AIRIM: variants seen among roughly 807,000 people sequenced by gnomAD.
AIRIM encodes AFG2 interacting ribosome maturation factor.
the AIRIM span, among the ~76,000 whole-genome samples, chr1:37,685,127 G>A: frequency 7.2e-6 from 1 of 139,822 alleles, no homozygotes; most frequent in East Asian, 2.1e-4. Context: ...AAAAACATAG[G>A]TCTTATCCTG....
chr1:37,681,748 T>C, the AIRIM span: 1 of 152,148 alleles, frequency 6.6e-6, no homozygotes, highest in Non-Finnish European at 1.5e-5. Flanking sequence ...ACACAAAGAT[T>C]TGGGAAAATG....
the AIRIM span, among the ~76,000 whole-genome samples, chr1:37,685,730 C>T: frequency 6.6e-3 from 1,008 of 152,264 alleles, no homozygotes; most frequent in Non-Finnish European, 9.9e-3. Flanking sequence ...GAAAGTCGAG[C>T]CCCCTGTCTT....
chr1:37,686,247 T>A, the AIRIM span: 1 of 1,588,180 alleles, frequency 6.3e-7, no homozygotes, highest in South Asian at 1.1e-5. Context: ...GCTCTGGCTG[T>A]GACCTGAAAT....
chr1:37,690,487 C>T, the AIRIM span: 2 of 1,240,670 alleles, frequency 1.6e-6, no homozygotes, highest in South Asian at 1.3e-5. Context: ...AGCGTGAGAA[C>T]CCTCCAGGGA....
At chr1:37,690,037 G>C in the AIRIM span, 22 of 1,404,100 alleles carry the variant, frequency 1.6e-5, no homozygotes, top group Admixed American at 6.5e-4. Context: ...TTTTTTTTTC[G>C]AGACGGAGTC....
the AIRIM span, chr1:37,683,499 C>G: frequency 6.4e-7 from 1 of 1,568,356 alleles, no homozygotes; most frequent in Non-Finnish European, 8.7e-7. Context: ...AAAAAAACAC[C>G]CTGGTGAGAA....
At chr1:37,690,494 G>C in the AIRIM span, 1 of 1,211,842 alleles carries the variant, frequency 8.3e-7, no homozygotes. Context: ...GAACCCTCCA[G>C]GGACTGCACC....
the AIRIM span, among the ~76,000 whole-genome samples, chr1:37,685,028 TAG>T: frequency 1.5e-4 from 23 of 152,180 alleles, no homozygotes; most frequent in East Asian, 4.4e-3. Context: ...AGAAAAATGT[TAG>T]AGCTTCAACT....
At chr1:37,690,581 G>T in the AIRIM span, 1 of 856,314 alleles carries the variant, frequency 1.2e-6, no homozygotes, top group Non-Finnish European at 1.5e-6. Context: ...CCTGGCTACT[G>T]AGTCGCGAAA....
chr1:37,683,697 AAAAG>A, the AIRIM span: 5 of 364,596 alleles, frequency 1.4e-5, no homozygotes, highest in Admixed American at 8.8e-5. Flanking sequence ...TCAGATCCTG[AAAAG>A]AAAGAACAAA....
the AIRIM span, chr1:37,682,910 T>C: frequency 1.7e-6 from 1 of 572,086 alleles, no homozygotes; most frequent in Non-Finnish European, 3.1e-6. Context: ...GGGCAAGGCA[T>C]GGCTCACATA....
At chr1:37,686,414 T>C in the AIRIM span, 2 of 1,614,086 alleles carry the variant, frequency 1.2e-6, no homozygotes, top group South Asian at 1.1e-5. Context: ...TCGCTCCACA[T>C]GGCTGCTGAC....
the AIRIM span, chr1:37,686,425 C>A: frequency 6.2e-7 from 1 of 1,613,846 alleles, no homozygotes; most frequent in African/African-American, 1.3e-5. Context: ...GGCTGCTGAC[C>A]ATGTCTCGCA....
chr1:37,684,975 C>G, the AIRIM span, among the ~76,000 whole-genome samples: 1 of 151,624 alleles, frequency 6.6e-6, no homozygotes, highest in South Asian at 2.1e-4. Context: ...CTGGTCAACA[C>G]AGCAAGACCC....
At chr1:37,686,343 A>T in the AIRIM span, 6 of 1,614,120 alleles carry the variant, frequency 3.7e-6, 1 homozygote, top group South Asian at 6.6e-5. Context: ...CTCACTGCTG[A>T]AGGCTGCAGG....
the AIRIM span, chr1:37,690,488 C>T: frequency 2.6e-5 from 32 of 1,222,908 alleles, no homozygotes; most frequent in South Asian, 4.0e-4. Flanking sequence ...GCGTGAGAAC[C>T]CTCCAGGGAC....
chr1:37,683,247 T>G, the AIRIM span: 1 of 1,611,594 alleles, frequency 6.2e-7, no homozygotes, highest in Non-Finnish European at 8.5e-7. Flanking sequence ...ACCTTCCTAA[T>G]GCTTCCAAAG....
At chr1:37,685,066 G>GC in the AIRIM span, among the ~76,000 whole-genome samples, 1 of 151,882 alleles carries the variant, frequency 6.6e-6, no homozygotes, top group African/African-American at 2.4e-5. Context: ...TTTTACCCTT[G>GC]CCCCCACTAC....
chr1:37,689,922 G>A, the AIRIM span: 3 of 1,504,950 alleles, frequency 2.0e-6, no homozygotes, highest in Non-Finnish European at 2.6e-6. Context: ...ACCACGTTGG[G>A]GTGCCAAGTC....
Sources: gnomAD v4.1 joint callset for allele counts (sites outside exome capture counted in the v4.1 genomes callset) on GRCh38, gnomAD v4.1.1 for gene constraint, MANE v1.5 for transcripts, NCBI Gene and HGNC (gene_info 2026-07-23, HGNC 2026-07-21) for gene names.